Variants in CUZD1 observed in about 807,000 individuals in gnomAD.
CUZD1 encodes the protein CUB and zona pellucida-like domain-containing protein 1.
Under a neutral mutation model 53.1 loss-of-function variants are expected in CUZD1, and 42 were observed. That is an observed-to-expected ratio of 0.79 (90% CI 0.62 to 1.02). CUZD1 has a LOEUF of 1.02. Among genes scored for constraint, CUZD1 ranks in the 50% least tolerant of loss-of-function variants. The pLI, the probability that CUZD1 is intolerant of heterozygous loss-of-function variation, is 0.00. For missense variants in CUZD1, 670 were observed against 715.7 expected, an observed-to-expected ratio of 0.94 and a Z score of 0.73; for synonymous variants, 238 against 257.2, an observed-to-expected ratio of 0.93 and a Z score of 0.71.
chr10:122,837,873 T>C (rs1847278549), intron 3 of CUZD1: 1 of 200,196 alleles, frequency 5.0e-6, no homozygotes. Context: ...TTGAAGGCTC[T>C]TCCTCACTCT....
intron 7 of CUZD1, 44 bp from the exon 8 acceptor site, chr10:122,833,984 T>A (rs1292236164): frequency 1.3e-6 from 2 of 1,566,280 alleles, no homozygotes; most frequent in East Asian, 2.2e-5. Context: ...ACAGACAAAT[T>A]CAGTCTTTTC....
rs1847226064 is a variant in CUZD1 at position 122,835,017 on chromosome 10, T to C, written c.1071A>G (p.Lys357=). ...CACACTTCACAATAATCTGGAGTTGTTTCTGACGGGTGATCACTTCAGAAG... is the reference window on the plus strand; with the variant it reads ...CACACTTCACAATAATCTGGAGTTGCTTCTGACGGGTGATCACTTCAGAAG... ...SSTSEVITRQ[K]QLQIIVKCEM... is the part of the protein sequence containing the mutation. The change falls in exon 7 of 9, where the codon AAA becomes AAG. Residue 357 remains lysine (K), a synonymous_variant. Coordinates refer to ENST00000392790, the MANE Select transcript of CUZD1 (RefSeq NM_022034.6). 1 of 1,613,528 alleles carries C rather than the reference T, an allele frequency of 6.2e-7. No homozygotes were observed. The highest frequency in any genetic ancestry group is 8.5e-7 in the Non-Finnish European group (1 of 1,179,610).
intron 3 of CUZD1, chr10:122,837,997 C>A: frequency 6.5e-6 from 1 of 155,034 alleles, no homozygotes; most frequent in Admixed American, 6.4e-5. Flanking sequence ...AGTCCTCTTC[C>A]CTGACTCCCA....
chr10:122,833,569 T>C, intron 8 of CUZD1, 103 bp downstream of exon 8: 1 of 1,228,380 alleles, frequency 8.1e-7, no homozygotes, highest in Non-Finnish European at 1.1e-6. Context: ...CTAAAGCTAC[T>C]ATTATAAATC....
chr10:122,844,292 C>T (rs1456273400), intron 1 of CUZD1, among the ~76,000 whole-genome samples: 4 of 151,956 alleles, frequency 2.6e-5, no homozygotes, highest in Admixed American at 6.6e-5. Flanking sequence ...CATGTCAGCC[C>T]CCCAAAGTGC....
At chr10:122,839,875 T>A (rs1164212991) in intron 2 of CUZD1, among the ~76,000 whole-genome samples, 2 of 152,214 alleles carry the variant, frequency 1.3e-5, no homozygotes, top group Non-Finnish European at 2.9e-5. Context: ...TCCACTTTAG[T>A]CACTTACCTG....
At chr10:122,840,940 G>T (rs1018882361) in intron 2 of CUZD1, among the ~76,000 whole-genome samples, 3 of 152,154 alleles carry the variant, frequency 2.0e-5, no homozygotes, top group African/African-American at 7.2e-5. Context: ...CAACCTTGTT[G>T]TGTTTGTAGT....
At chr10:122,834,380 A>G (rs1847211301) in intron 7 of CUZD1, among the ~76,000 whole-genome samples, 1 of 152,204 alleles carries the variant, frequency 6.6e-6, no homozygotes, top group Non-Finnish European at 1.5e-5. Context: ...AATCTTCTAG[A>G]TTTTTGTTGA....
chr10:122,842,978 A>G (rs1212944777), intron 1 of CUZD1, among the ~76,000 whole-genome samples: 3 of 152,208 alleles, frequency 2.0e-5, no homozygotes, highest in Admixed American at 6.5e-5. Flanking sequence ...TGACAAGGAC[A>G]TGGAGAAACT....
Position 122,834,756 on chromosome 10 carries a change from G to T in CUZD1, c.1332C>A (p.Ala444=), listed in dbSNP as rs1185070174. The T allele has an allele frequency of 6.2e-7, 1 of 1,612,930 alleles. No individual in the cohort carries two copies. Among genetic ancestry groups the T allele is most frequent in the South Asian group, 1.1e-5 (1 of 90,872 alleles). ...GAGATGCAAAGTCAGAGGTGGGAGA[G>T]GCTCTACAGGTATCAAGAAACACCA... The part of the protein sequence containing the change: ...NLVVFLDTCR[A]SPTSDFASPT... The change falls in exon 7 of 9, where the codon GCC becomes GCA. Residue 444 remains alanine (A), a synonymous_variant. Coordinates refer to ENST00000392790, the MANE Select transcript of CUZD1 (RefSeq NM_022034.6).
Position 122,837,475 on chromosome 10 carries a change from C to G in CUZD1, c.528G>C (p.Glu176Asp). 1 of 1,612,288 alleles carries G rather than the reference C, an allele frequency of 6.2e-7. No individual in the cohort carries two copies. The highest frequency in any genetic ancestry group is 8.5e-7 in the Non-Finnish European group (1 of 1,179,322). Residue 176 changes from glutamate (E) to aspartate (D), a missense_variant, in exon 4 of 9, where the codon GAG (glutamate) becomes GAC (aspartate). Glu to Asp is a conservative substitution (Grantham distance 45, BLOSUM62 2). Transcript: ENST00000392790. Reference sequence around the variant, plus strand: ...GTATGTGCCACACACAATAAGCCAGCTCAGGATGCGGCTTTGGGTAATTGG... The same window carrying G: ...GTATGTGCCACACACAATAAGCCAGGTCAGGATGCGGCTTTGGGTAATTGG... ...TSPNYPKPHP[E>D]LAYCVWHIQV...
chr10:122,839,171 G>A lies in CUZD1; in HGVS notation c.294C>T (p.Ser98=), dbSNP rs1404060088. ...ENIKVFDGTS[S]NGPLLGQVCS... ...AGACTTGCCCTAGCAGAGGCCCATT[G>A]CTGGAGGTTCCGTCAAAGACTTTAA... Residue 98 remains serine (S), a synonymous_variant, in exon 3 of 9, where the codon AGC becomes AGT. Coordinates refer to ENST00000392790, the MANE Select transcript of CUZD1 (RefSeq NM_022034.6). The A allele has an allele frequency of 6.2e-7, 1 of 1,613,950 alleles. No homozygotes were observed. Among genetic ancestry groups the A allele is most frequent in the Non-Finnish European group, 8.5e-7 (1 of 1,179,932 alleles).
In CUZD1 at chr10:122,833,722, A is replaced by ATGGAATCTGTT; in HGVS notation, c.1590_1600dup (p.Ile534LysfsTer6). ...CCTTTTCAGACGAATGGGTCCTATG[A>ATGGAATCTGTT]TGGAATCTGTTTTCCATTTATATGA... On this transcript the variant is annotated frameshift_variant, in exon 8 of 9. Coordinates refer to ENST00000392790, the MANE Select transcript of CUZD1 (RefSeq NM_022034.6). LOFTEE classifies it high-confidence loss of function. 6.2e-7 allele frequency: 1 copy of ATGGAATCTGTT among 1,613,898 alleles called. No individual in the cohort carries two copies. Among genetic ancestry groups the ATGGAATCTGTT allele is most frequent in the Non-Finnish European group, 8.5e-7 (1 of 1,179,946 alleles).
rs538463018 is a variant in CUZD1, at chr10:122,842,134, A to G, written c.83-806T>C. 8.0e-4 allele frequency among the ~76,000 whole-genome samples: 122 copies of G among 152,272 alleles called. No homozygotes were observed. The Middle Eastern group carries it at 0.01, about 13-fold the overall frequency. On this transcript the variant is annotated intron_variant, in intron 1 of 8. Coordinates refer to ENST00000392790, the MANE Select transcript of CUZD1 (RefSeq NM_022034.6). Reference sequence around the variant, plus strand: ...AGTTTTAAATCTTTTATAAAGTCCAATTTAGTAATAGTTTCTTTTATGGGT... The same window carrying G: ...AGTTTTAAATCTTTTATAAAGTCCAGTTTAGTAATAGTTTCTTTTATGGGT...
At chr10:122,836,691 T>C (rs1325192013) in intron 5 of CUZD1, 140 bp downstream of exon 5, 2 of 659,258 alleles carry the variant, frequency 3.0e-6, no homozygotes, top group African/African-American at 3.6e-5. Flanking sequence ...ATTGTCAAGC[T>C]TAAGATTATG....
Position 122,832,267 on chromosome 10 carries a change from G to A in CUZD1, c.*11C>T. On this transcript the variant is annotated 3_prime_UTR_variant, in exon 9 of 9. Transcript: ENST00000392790. ...GGAGAAACATGTCTCACTTAGGGTT[G>A]GACCTGTTAGTTAATAGTTCTGCAG... is the stretch of plus-strand genomic sequence containing the variant. 1 of 1,613,172 alleles carries A rather than the reference G, an allele frequency of 6.2e-7. No individual in the cohort carries two copies. Among genetic ancestry groups the A allele is most frequent in the South Asian group, 1.1e-5 (1 of 90,984 alleles).
At chr10:122,835,448 G>A (rs1376579764) in intron 6 of CUZD1, among the ~76,000 whole-genome samples, 6 of 152,146 alleles carry the variant, frequency 3.9e-5, no homozygotes, top group East Asian at 1.9e-4. Context: ...GTGGCTAACT[G>A]GGCAGTTTCC....
intron 4 of CUZD1, 128 bp from the exon 5 acceptor site, chr10:122,837,176 C>G (rs113191926): frequency 1.2e-6 from 1 of 869,376 alleles, no homozygotes; most frequent in Non-Finnish European, 1.7e-6. Flanking sequence ...CTCAGGTTTA[C>G]GAAGACAAAC....
At chr10:122,832,694 C>T (rs187183859) in intron 8 of CUZD1, among the ~76,000 whole-genome samples, 2 of 152,046 alleles carry the variant, frequency 1.3e-5, no homozygotes, top group Non-Finnish European at 2.9e-5. Context: ...ACATGAAAAA[C>T]GTGTAACACT....
Sources: gnomAD v4.1 joint callset for allele counts (sites outside exome capture counted in the v4.1 genomes callset) on GRCh38, gnomAD v4.1.1 for gene constraint, MANE v1.5 for transcripts, NCBI Gene and HGNC (gene_info 2026-07-23, HGNC 2026-07-21) for gene names.